The following RXFP1 variants were observed in gnomAD, a reference collection of about 807,000 sequenced individuals.
RXFP1 encodes relaxin family peptide receptor 1, also known as relaxin receptor 1.
RXFP1 carries 73 observed loss-of-function variants against 89.8 expected under a neutral mutation model. The ratio of observed to expected loss-of-function variants is 0.81; its 90% CI spans 0.67 to 0.99. The LOEUF (loss-of-function observed/expected upper bound fraction) is 0.99, where lower values mean the gene tolerates loss of function less well. Ranked by LOEUF, RXFP1 falls within the 50% of genes least tolerant of loss-of-function variation. RXFP1 has a pLI of 0.00. For synonymous variants in RXFP1, 277 were observed against 305.5 expected (o/e 0.91, Z 0.97); for missense variants, 793 against 895.5 (o/e 0.89, Z 1.46).
chr4:158,593,381 TTC>T lies in RXFP1; in HGVS notation c.188-16_188-15del. On this transcript the variant is annotated intron_variant, in intron 2 of 17. Coordinates refer to ENST00000307765, the MANE Select transcript of RXFP1 (RefSeq NM_021634.4). ...TATCTCTGTTCCTTGAACTTTTTTG[TTC>T]TCTGATTTTTATTTTAGGAGACAAC... 3 of 1,530,438 alleles carry T rather than the reference TTC, an allele frequency of 2.0e-6. No individual in the cohort carries two copies. The highest frequency in any genetic ancestry group is 2.7e-6 in the Non-Finnish European group (3 of 1,107,482). 94.8% of individuals were successfully genotyped at this position (1,530,438 alleles called of 1,614,324 possible). A position where few individuals can be genotyped will look rare whatever the true frequency, so the allele number is the denominator to read the frequency against.
intron 1 of RXFP1, among the ~76,000 whole-genome samples, chr4:158,549,811 G>T (rs1280524964): frequency 6.6e-6 from 1 of 152,230 alleles, no homozygotes; most frequent in Non-Finnish European, 1.5e-5. Context: ...TCCTCTGGAA[G>T]TTTTGTCTCA....
At chr4:158,610,425 T>C (rs1361827967) in intron 6 of RXFP1, among the ~76,000 whole-genome samples, 2 of 152,186 alleles carry the variant, frequency 1.3e-5, no homozygotes, top group Admixed American at 6.5e-5. Context: ...TAAGTAGTTA[T>C]ACCTTAGCGT....
intron 1 of RXFP1, among the ~76,000 whole-genome samples, chr4:158,548,044 G>A (rs1748991053): frequency 6.6e-6 from 1 of 152,314 alleles, no homozygotes; most frequent in East Asian, 1.9e-4. Flanking sequence ...AATGTTGACA[G>A]TGGGGTGTTA....
intron 12 of RXFP1, among the ~76,000 whole-genome samples, chr4:158,635,517 T>A (rs1768967677): frequency 6.6e-6 from 1 of 152,230 alleles, no homozygotes; most frequent in African/African-American, 2.4e-5. Flanking sequence ...TTCACTTTTT[T>A]TTCTTGCCGA....
chr4:158,598,788 G>C (rs1484620567), intron 3 of RXFP1, among the ~76,000 whole-genome samples: 3 of 150,932 alleles, frequency 2.0e-5, no homozygotes, highest in Non-Finnish European at 4.4e-5. Flanking sequence ...TAAGCCAAAA[G>C]ATTTTTTAAA....
intron 9 of RXFP1, among the ~76,000 whole-genome samples, chr4:158,617,419 CAA>C (rs201739625): frequency 2.8e-5 from 4 of 142,972 alleles, no homozygotes; most frequent in Non-Finnish European, 3.0e-5. Context: ...TAAAACATCT[CAA>C]AAAAAATATA....
At chr4:158,574,811 A>G (rs1328531285) in intron 2 of RXFP1, among the ~76,000 whole-genome samples, 1 of 152,262 alleles carries the variant, frequency 6.6e-6, no homozygotes, top group Non-Finnish European at 1.5e-5. Flanking sequence ...TAACTCAAGT[A>G]TAACCACACT....
intron 1 of RXFP1, among the ~76,000 whole-genome samples, chr4:158,563,768 C>T (rs1477776566): frequency 3.8e-4 from 58 of 151,320 alleles, no homozygotes; most frequent in Non-Finnish European, 5.9e-5. Context: ...TATATGACAG[C>T]GATCCCATAA....
intron 1 of RXFP1, among the ~76,000 whole-genome samples, chr4:158,527,948 G>C (rs1743003775): frequency 6.6e-6 from 1 of 151,692 alleles, no homozygotes; most frequent in Non-Finnish European, 1.5e-5. Context: ...ATATCAAAAG[G>C]GTAAAATATC....
chr4:158,606,843 G>A (rs1762619854), intron 5 of RXFP1, among the ~76,000 whole-genome samples: 1 of 151,386 alleles, frequency 6.6e-6, no homozygotes, highest in South Asian at 2.1e-4. Context: ...GCCTCCCAAA[G>A]CTCTGCAATT....
chr4:158,588,527 A>G (rs539746754), intron 2 of RXFP1, among the ~76,000 whole-genome samples: 1 of 152,296 alleles, frequency 6.6e-6, no homozygotes, highest in Admixed American at 6.5e-5. Context: ...CTCTCTTGAC[A>G]CCCACAAGGC....
chr4:158,629,414 T>C (rs1431274501), intron 11 of RXFP1, among the ~76,000 whole-genome samples: 1 of 152,138 alleles, frequency 6.6e-6, no homozygotes, highest in Non-Finnish European at 1.5e-5. Context: ...CCTATAATAA[T>C]GGAAGAGATA....
intron 1 of RXFP1, among the ~76,000 whole-genome samples, chr4:158,535,243 T>C (rs1745030857): frequency 6.6e-6 from 1 of 152,124 alleles, no homozygotes; most frequent in African/African-American, 2.4e-5. Context: ...CTGAAGCAGA[T>C]GCTTGGAGAT....
At chr4:158,643,742 A>G in intron 14 of RXFP1, among the ~76,000 whole-genome samples, 1 of 152,030 alleles carries the variant, frequency 6.6e-6, no homozygotes, top group Non-Finnish European at 1.5e-5. Context: ...AAGTGCTGAG[A>G]TAACAGGCAT....
chr4:158,637,909 G>T (rs185677899), intron 12 of RXFP1, 99 bp from the exon 13 acceptor site: 1 of 719,190 alleles, frequency 1.4e-6, no homozygotes, highest in Admixed American at 2.4e-5. Flanking sequence ...GTATACTTTC[G>T]TTCATAAATA....
chr4:158,650,446 T>C (rs1772463178), intron 17 of RXFP1, among the ~76,000 whole-genome samples: 1 of 149,404 alleles, frequency 6.7e-6, no homozygotes, highest in Non-Finnish European at 1.5e-5. Context: ...TATATATATA[T>C]ATATAATGCA....
rs533915063 is a variant in RXFP1 at position 158,539,758 on chromosome 4, A to T, written c.49+17733A>T. On this transcript the variant is annotated intron_variant, in intron 1 of 17. Transcript: ENST00000307765. The stretch of plus-strand genomic sequence containing the variant: ...AATCTAGGAAGTATATTTTTAGTAC[A>T]GTCATTAGTTACAATAGAGCTAACC... Among the ~76,000 whole-genome samples, 12 of 152,278 alleles carry T rather than the reference A, an allele frequency of 7.9e-5. No individual in the cohort carries two copies. The South Asian group carries it at 2.5e-3, about 32-fold the overall frequency.
intron 1 of RXFP1, among the ~76,000 whole-genome samples, chr4:158,560,994 C>G (rs957608609): frequency 6.6e-6 from 1 of 152,176 alleles, no homozygotes; most frequent in Non-Finnish European, 1.5e-5. Flanking sequence ...GTTTATTATA[C>G]TTGGGTTTAA....
intron 3 of RXFP1, among the ~76,000 whole-genome samples, chr4:158,595,120 A>T (rs1013363447): frequency 6.6e-6 from 1 of 152,240 alleles, no homozygotes; most frequent in African/African-American, 2.4e-5. Flanking sequence ...ATACATGTTT[A>T]TACATAGAGC....
Sources: allele counts gnomAD v4.1 joint callset (sites outside exome capture counted in the v4.1 genomes callset), GRCh38; gene constraint gnomAD v4.1.1; transcripts MANE v1.5; gene names NCBI Gene and HGNC (gene_info 2026-07-23, HGNC 2026-07-21).